HS3ST4: variants seen among roughly 807,000 people sequenced by gnomAD.
The protein encoded by HS3ST4 is heparan sulfate-glucosamine 3-sulfotransferase 4, also known as heparan sulfate glucosamine 3-O-sulfotransferase 4.
Under a neutral mutation model 29.2 loss-of-function variants are expected in HS3ST4, and 17 were observed. That is an observed-to-expected ratio of 0.58 (90% CI 0.40 to 0.87). The LOEUF (loss-of-function observed/expected upper bound fraction) is 0.87, where lower values mean the gene tolerates loss of function less well. Among genes scored for constraint, HS3ST4 ranks in the 40% least tolerant of loss-of-function variants. HS3ST4 has a pLI of 0.00. For missense variants in HS3ST4, 627 were observed against 634.5 expected (o/e 0.99, Z 0.13); for synonymous variants, 314 against 285.7 (o/e 1.10, Z -1.00).
chr16:25,925,726 G>T lies in HS3ST4; in HGVS notation c.735-209886G>T, dbSNP rs138716838. Among the ~76,000 whole-genome samples the T allele has an allele frequency of 1.6e-4, 25 of 152,300 alleles. No homozygotes were observed. In the East Asian group the frequency reaches 4.6e-3, roughly 28 times the overall value. On this transcript the variant is annotated intron_variant, in intron 1 of 1. Coordinates refer to ENST00000331351, the MANE Select transcript of HS3ST4 (RefSeq NM_006040.3). The stretch of plus-strand genomic sequence containing the variant: ...CGGATGTGTCTTTCGCAAAGCCAAA[G>T]CCCTCCATTAGCACAGGAGATAGAA...
intron 1 of HS3ST4, among the ~76,000 whole-genome samples, chr16:26,130,970 C>A (rs1449317783): frequency 1.3e-5 from 2 of 152,216 alleles, no homozygotes; most frequent in Non-Finnish European, 2.9e-5. Context: ...CCCCTAAAAC[C>A]TGCCCTGTTC....
At chr16:25,729,620 A>G (rs1966558017) in intron 1 of HS3ST4, among the ~76,000 whole-genome samples, 1 of 151,886 alleles carries the variant, frequency 6.6e-6, no homozygotes, top group African/African-American at 2.4e-5. Flanking sequence ...GAATCCTCTA[A>G]TTTTTCACTC....
At chr16:25,963,405 T>C (rs1968813355) in intron 1 of HS3ST4, among the ~76,000 whole-genome samples, 1 of 152,170 alleles carries the variant, frequency 6.6e-6, no homozygotes, top group South Asian at 2.1e-4. Flanking sequence ...CAAATACTGC[T>C]CCCATTGTTA....
intron 1 of HS3ST4, among the ~76,000 whole-genome samples, chr16:25,760,437 T>TTA (rs1966782398): frequency 6.6e-6 from 1 of 151,152 alleles, no homozygotes; most frequent in Admixed American, 6.6e-5. Context: ...TTTTTTTTTT[T>TTA]TGATGGAATT....
At chr16:25,948,159 G>T (rs1968648568) in intron 1 of HS3ST4, among the ~76,000 whole-genome samples, 1 of 152,140 alleles carries the variant, frequency 6.6e-6, no homozygotes, top group Non-Finnish European at 1.5e-5. Context: ...TCAGACCTAA[G>T]TATTTATCCT....
At chr16:26,104,334 G>T (rs889758124) in intron 1 of HS3ST4, among the ~76,000 whole-genome samples, 1 of 152,160 alleles carries the variant, frequency 6.6e-6, no homozygotes, top group Non-Finnish European at 1.5e-5. Context: ...GACTGCTTGT[G>T]GTAGCTTTGA....
chr16:26,093,146 C>T (rs1463969549), intron 1 of HS3ST4, among the ~76,000 whole-genome samples: 3 of 152,236 alleles, frequency 2.0e-5, no homozygotes, highest in Non-Finnish European at 4.4e-5. Flanking sequence ...CTGGACTACA[C>T]CTCTGTGGGC....
intron 1 of HS3ST4, among the ~76,000 whole-genome samples, chr16:25,791,093 T>C (rs943904617): frequency 3.4e-5 from 5 of 146,168 alleles, no homozygotes; most frequent in Non-Finnish European, 6.0e-5. Flanking sequence ...GCGAAGCATC[T>C]TTTTTTTTTC....
At chr16:26,053,903 CAT>C (rs1898375205) in intron 1 of HS3ST4, among the ~76,000 whole-genome samples, 1 of 152,074 alleles carries the variant, frequency 6.6e-6, no homozygotes, top group Non-Finnish European at 1.5e-5. Context: ...ACATGCCTAT[CAT>C]GTGACGGCAG....
At chr16:25,993,817 G>C (rs1969134303) in intron 1 of HS3ST4, among the ~76,000 whole-genome samples, 2 of 152,034 alleles carry the variant, frequency 1.3e-5, no homozygotes. Flanking sequence ...GGCTTAAATA[G>C]GAGCCATTTA....
chr16:26,080,721 C>T (rs142972423), intron 1 of HS3ST4, among the ~76,000 whole-genome samples: 17 of 152,200 alleles, frequency 1.1e-4, no homozygotes, highest in South Asian at 2.1e-4. Context: ...TGACTGCTCC[C>T]GCGGAGCATT....
chr16:26,065,043 T>C (rs1485069831), intron 1 of HS3ST4, among the ~76,000 whole-genome samples: 1 of 152,202 alleles, frequency 6.6e-6, no homozygotes, highest in Non-Finnish European at 1.5e-5. Context: ...TAATGATCAA[T>C]GATGTTGAGC....
chr16:25,811,560 A>C (rs1967042570), intron 1 of HS3ST4, among the ~76,000 whole-genome samples: 1 of 150,416 alleles, frequency 6.6e-6, no homozygotes, highest in Admixed American at 6.6e-5. Context: ...CAGCCTCCCG[A>C]GTAGCTGGGA....
intron 1 of HS3ST4, among the ~76,000 whole-genome samples, chr16:26,009,508 A>T (rs1596643196): frequency 6.6e-6 from 1 of 152,204 alleles, no homozygotes; most frequent in Non-Finnish European, 1.5e-5. Flanking sequence ...ATCCTCAAAT[A>T]CCAGTGACTT....
At chr16:25,879,455 G>A (rs931315040) in intron 1 of HS3ST4, among the ~76,000 whole-genome samples, 6 of 152,072 alleles carry the variant, frequency 3.9e-5, no homozygotes, top group Admixed American at 3.3e-4. Context: ...GGCACGTCTC[G>A]CATGGCAGCA....
chr16:25,991,937 C>T (rs1034201886), intron 1 of HS3ST4, among the ~76,000 whole-genome samples: 14 of 152,236 alleles, frequency 9.2e-5, no homozygotes, highest in African/African-American at 2.2e-4. Context: ...AGGAGAATGG[C>T]GTGAACCCGG....
intron 1 of HS3ST4, among the ~76,000 whole-genome samples, chr16:25,896,659 A>C (rs901082820): frequency 1.3e-5 from 2 of 152,164 alleles, no homozygotes; most frequent in Non-Finnish European, 2.9e-5. Context: ...CCAAAGGACA[A>C]TAAATCATTG....
chr16:25,862,591 C>T (rs1967649516), intron 1 of HS3ST4, among the ~76,000 whole-genome samples: 1 of 152,362 alleles, frequency 6.6e-6, no homozygotes, highest in South Asian at 2.1e-4. Flanking sequence ...GGCGAGGTCC[C>T]TAACAGTCTG....
At chr16:25,829,485 G>A (rs553732726) in intron 1 of HS3ST4, among the ~76,000 whole-genome samples, 7 of 152,286 alleles carry the variant, frequency 4.6e-5, no homozygotes, top group African/African-American at 7.2e-5. Context: ...TACATGTACC[G>A]TGGTGGTTTG....
Sources: allele counts gnomAD v4.1 joint callset (sites outside exome capture counted in the v4.1 genomes callset), GRCh38; gene constraint gnomAD v4.1.1; transcripts MANE v1.5; gene names NCBI Gene and HGNC (gene_info 2026-07-23, HGNC 2026-07-21).